Variants in MLLT10 observed in about 807,000 individuals in gnomAD.
MLLT10 encodes protein AF-10.
In MLLT10, 30 loss-of-function variants were observed where a neutral mutation model predicts 129.1. The ratio of observed to expected loss-of-function variants is 0.23; its 90% CI spans 0.17 to 0.32. The LOEUF is 0.32. Ranked by LOEUF, MLLT10 falls within the 10% of genes least tolerant of loss-of-function variation. MLLT10 has a pLI of 1.00. For synonymous variants in MLLT10, 490 were observed against 446.4 expected (o/e 1.10, Z -1.23); for missense variants, 1,119 against 1,268.3 (o/e 0.88, Z 1.79).
intron 17 of MLLT10, 129 bp downstream of exon 17, chr10:21,731,183 T>C: frequency 1.2e-6 from 1 of 847,454 alleles, no homozygotes; most frequent in Non-Finnish European, 1.8e-6. Flanking sequence ...TATAATACAG[T>C]GAGAGAAAGT....
intron 9 of MLLT10, among the ~76,000 whole-genome samples, chr10:21,654,466 G>A (rs1460208256): frequency 6.6e-6 from 1 of 152,178 alleles, no homozygotes; most frequent in East Asian, 1.9e-4. Context: ...TTTTGGTAAA[G>A]TAAGAAGCAA....
In MLLT10 at chr10:21,623,471, C is replaced by T. The variant is rs73592594; in HGVS notation, c.699+6264C>T. ...TATAACAAAAAATGCTCTTATCACC[C>T]CATCACTCAGGACATCAAAGGATTT... is the stretch of plus-strand genomic sequence containing the variant. On this transcript the variant is annotated intron_variant, in intron 8 of 22. Coordinates refer to ENST00000307729, the MANE Select transcript of MLLT10 (RefSeq NM_001195626.3). Among the ~76,000 whole-genome samples, 242 of 152,262 alleles carry T rather than the reference C, an allele frequency of 1.6e-3. 1 individual carries two copies. The highest frequency in any genetic ancestry group is 5.4e-3 in the African/African-American group (226 of 41,546).
At position 21,655,177 on chromosome 10, in the gene MLLT10, G is replaced by T. The variant is rs376970638; in HGVS notation, c.795+3409G>T. Among the ~76,000 whole-genome samples the T allele has an allele frequency of 2.6e-4, 40 of 152,246 alleles. 2 individuals are homozygous for T. The highest frequency in any genetic ancestry group is 8.9e-4 in the African/African-American group (37 of 41,534). ...AGAAGACAAGATCATTGGAAGAGAG[G>T]CTGTCAAGGAACAGAGAGACTGGAG... is the stretch of plus-strand genomic sequence containing the variant. On this transcript the variant is annotated intron_variant, in intron 9 of 22. Coordinates refer to ENST00000307729, the MANE Select transcript of MLLT10 (RefSeq NM_001195626.3).
intron 8 of MLLT10, chr10:21,626,276 G>A: frequency 7.0e-7 from 1 of 1,433,642 alleles, no homozygotes; most frequent in Non-Finnish European, 9.8e-7. Flanking sequence ...ATCGATACAA[G>A]CTATCAATCC....
chr10:21,701,127 C>T (rs1269716336), intron 13 of MLLT10, among the ~76,000 whole-genome samples: 1 of 151,996 alleles, frequency 6.6e-6, no homozygotes, highest in East Asian at 1.9e-4. Flanking sequence ...TCATACTATT[C>T]TCTGCTGTCT....
At chr10:21,689,744 G>A (rs1037133603) in intron 13 of MLLT10, among the ~76,000 whole-genome samples, 4 of 150,222 alleles carry the variant, frequency 2.7e-5, no homozygotes, top group African/African-American at 4.9e-5. Context: ...AGTCCAAGGA[G>A]TTGAAAGCAG....
chr10:21,672,638 G>A (rs766765780), intron 10 of MLLT10, among the ~76,000 whole-genome samples: 16 of 152,032 alleles, frequency 1.1e-4, no homozygotes, highest in Non-Finnish European at 2.2e-4. Context: ...GTATGGTGGG[G>A]TACTCATGTT....
At chr10:21,548,048 G>A (rs1026210773) in intron 3 of MLLT10, among the ~76,000 whole-genome samples, 2 of 151,874 alleles carry the variant, frequency 1.3e-5, no homozygotes, top group Admixed American at 6.6e-5. Context: ...TTGTGTCTAC[G>A]AATTTCATTA....
At chr10:21,623,524 G>A (rs2046112110) in intron 8 of MLLT10, among the ~76,000 whole-genome samples, 1 of 152,122 alleles carries the variant, frequency 6.6e-6, no homozygotes, top group African/African-American at 2.4e-5. Flanking sequence ...GAAACTGGGG[G>A]CAGAGATCAA....
intron 13 of MLLT10, among the ~76,000 whole-genome samples, chr10:21,702,013 A>G (rs990617953): frequency 2.0e-5 from 3 of 150,738 alleles, no homozygotes; most frequent in African/African-American, 7.3e-5. Flanking sequence ...GGCAACCTCC[A>G]CTTCCCAGGT....
intron 14 of MLLT10, among the ~76,000 whole-genome samples, chr10:21,718,033 T>G (rs1475329894): frequency 2.0e-5 from 3 of 152,024 alleles, no homozygotes; most frequent in Non-Finnish European, 4.4e-5. Context: ...TTGATAGAGA[T>G]GGAGTTTCAC....
At chr10:21,606,527 C>A (rs546991224) in intron 5 of MLLT10, among the ~76,000 whole-genome samples, 6 of 152,084 alleles carry the variant, frequency 3.9e-5, no homozygotes, top group African/African-American at 1.4e-4. Flanking sequence ...GGGAGGAGGT[C>A]AAAATATCAA....
At chr10:21,674,269 G>A (rs2051824787) in intron 11 of MLLT10, among the ~76,000 whole-genome samples, 1 of 151,646 alleles carries the variant, frequency 6.6e-6, no homozygotes, top group African/African-American at 2.4e-5. Context: ...TTTATATTTA[G>A]GGTGTGAGAG....
intron 13 of MLLT10, chr10:21,708,600 C>G: frequency 1.0e-6 from 1 of 984,994 alleles, no homozygotes; most frequent in Non-Finnish European, 1.2e-6. Flanking sequence ...AACTGAGTAC[C>G]AGATATTGTT....
At chr10:21,729,488 A>G (rs573638682) in intron 16 of MLLT10, among the ~76,000 whole-genome samples, 1 of 152,242 alleles carries the variant, frequency 6.6e-6, no homozygotes, top group Non-Finnish European at 1.5e-5. Context: ...GGGATGGCCA[A>G]CTGTATGTGG....
intron 14 of MLLT10, among the ~76,000 whole-genome samples, chr10:21,714,951 A>G (rs1394663122): frequency 6.6e-6 from 1 of 152,042 alleles, no homozygotes; most frequent in Non-Finnish European, 1.5e-5. Context: ...AAAGATAATC[A>G]TTTAAGATTT....
intron 8 of MLLT10, among the ~76,000 whole-genome samples, chr10:21,631,851 C>T (rs2131268088): frequency 6.6e-6 from 1 of 151,086 alleles, no homozygotes; most frequent in East Asian, 1.9e-4. Flanking sequence ...GACACAGAGC[C>T]AAACGATATC....
At chr10:21,735,925 T>A (rs530227187) in intron 21 of MLLT10, among the ~76,000 whole-genome samples, 5 of 152,238 alleles carry the variant, frequency 3.3e-5, no homozygotes, top group East Asian at 3.9e-4. Context: ...GGCGAGTTTT[T>A]AAAAATCTAT....
intron 9 of MLLT10, chr10:21,669,174 T>C (rs1324195253): frequency 6.7e-6 from 6 of 896,432 alleles, no homozygotes; most frequent in Non-Finnish European, 7.3e-6. Flanking sequence ...GTTAGAATAG[T>C]GGAGTACTTT....
Sources: gnomAD v4.1 joint callset for allele counts (sites outside exome capture counted in the v4.1 genomes callset) on GRCh38, gnomAD v4.1.1 for gene constraint, MANE v1.5 for transcripts, NCBI Gene and HGNC (gene_info 2026-07-23, HGNC 2026-07-21) for gene names.